COL25A1: variants seen among roughly 807,000 people sequenced by gnomAD.
The protein encoded by COL25A1 is collagen alpha-1(XXV) chain.
COL25A1 carries 103 observed loss-of-function variants against 128.4 expected under a neutral mutation model. The ratio of observed to expected loss-of-function variants is 0.80; its 90% confidence interval spans 0.68 to 0.94. The LOEUF (loss-of-function observed/expected upper bound fraction) is 0.94. Among genes scored for constraint, COL25A1 ranks in the 40% least tolerant of loss-of-function variants. The probability of loss-of-function intolerance (pLI) is 0.00; values close to 1 mark genes in which losing one functional copy is unlikely to be tolerated. For synonymous variants in COL25A1, 279 were observed against 277.2 expected (o/e 1.01, Z -0.06); for missense variants, 745 against 840.0 (o/e 0.89, Z 1.40).
chr4:108,838,538 A>G (rs1033462210), intron 31 of COL25A1, among the ~76,000 whole-genome samples: 50 of 151,576 alleles, frequency 3.3e-4, no homozygotes, highest in African/African-American at 8.7e-4. Flanking sequence ...GATTCGGTAG[A>G]AAAAAAAACC....
At chr4:109,054,491 A>C (rs967524422) in intron 3 of COL25A1, among the ~76,000 whole-genome samples, 1 of 152,194 alleles carries the variant, frequency 6.6e-6, no homozygotes, top group Non-Finnish European at 1.5e-5. Context: ...TTTCCGTGCT[A>C]TATTACTGTC....
chr4:109,126,399 A>G (rs1197837268), intron 3 of COL25A1, among the ~76,000 whole-genome samples: 1 of 152,180 alleles, frequency 6.6e-6, no homozygotes, highest in Non-Finnish European at 1.5e-5. Flanking sequence ...CAAAGCTTCC[A>G]AACCTGGTCT....
At chr4:109,041,382 T>A (rs371606087) in intron 5 of COL25A1, among the ~76,000 whole-genome samples, 1 of 147,746 alleles carries the variant, frequency 6.8e-6, no homozygotes, top group Non-Finnish European at 1.5e-5. Flanking sequence ...TAAAAAAAAA[T>A]CCCCTTCCTT....
chr4:109,209,295 T>G (rs1777301956), intron 3 of COL25A1, among the ~76,000 whole-genome samples: 1 of 149,696 alleles, frequency 6.7e-6, no homozygotes, highest in South Asian at 2.1e-4. Flanking sequence ...AGTAAAGATT[T>G]CATTTTTATT....
intron 24 of COL25A1, among the ~76,000 whole-genome samples, chr4:108,853,561 G>A (rs1037640096): frequency 6.6e-6 from 1 of 152,036 alleles, no homozygotes; most frequent in African/African-American, 2.4e-5. Context: ...TACATGTGCA[G>A]AATGTGCACA....
intron 3 of COL25A1, among the ~76,000 whole-genome samples, chr4:109,160,540 G>T (rs1042214493): frequency 6.6e-6 from 1 of 152,106 alleles, no homozygotes; most frequent in Non-Finnish European, 1.5e-5. Context: ...ACCTAAGTTC[G>T]CCCTGCTTCA....
At chr4:109,007,872 C>A (rs1211729541) in intron 6 of COL25A1, among the ~76,000 whole-genome samples, 1 of 152,152 alleles carries the variant, frequency 6.6e-6, no homozygotes, top group East Asian at 1.9e-4. Context: ...CCTGTCCATT[C>A]TTGGTTTCCA....
chr4:108,882,259 CTTT>C (rs10630143), intron 19 of COL25A1, among the ~76,000 whole-genome samples: 1 of 143,450 alleles, frequency 7.0e-6, no homozygotes. Context: ...ATCAAAATTG[CTTT>C]TTTTTTTTTT....
intron 3 of COL25A1, among the ~76,000 whole-genome samples, chr4:109,290,476 G>T (rs1724356995): frequency 6.6e-6 from 1 of 152,076 alleles, no homozygotes; most frequent in Non-Finnish European, 1.5e-5. Context: ...AATGCTAGAG[G>T]TTTGGGGTTT....
At chr4:109,259,283 T>A (rs1781280844) in intron 3 of COL25A1, among the ~76,000 whole-genome samples, 2 of 152,230 alleles carry the variant, frequency 1.3e-5, no homozygotes. Context: ...ATGAAGGTTT[T>A]TAGATACTAA....
intron 5 of COL25A1, among the ~76,000 whole-genome samples, chr4:109,021,493 G>C (rs1406172735): frequency 2.6e-5 from 4 of 152,154 alleles, no homozygotes; most frequent in African/African-American, 9.7e-5. Flanking sequence ...GTCACCTCAG[G>C]ATCCTGTGAT....
chr4:109,209,907 C>T (rs1241033786), intron 3 of COL25A1, among the ~76,000 whole-genome samples: 1 of 151,890 alleles, frequency 6.6e-6, no homozygotes, highest in Admixed American at 6.6e-5. Context: ...AAAAATTAGC[C>T]AGGCGTAATG....
chr4:108,832,428 T>C lies in COL25A1; in HGVS notation c.1662A>G (p.Thr554=). 6.2e-7 allele frequency: 1 copy of C among 1,601,884 alleles called. No homozygotes were observed. The highest frequency in any genetic ancestry group is 1.7e-5 in the Admixed American group (1 of 58,262). The change falls in exon 32 of 38, where the codon ACA becomes ACG. Residue 554 remains threonine (T), a synonymous_variant. Transcript: ENST00000399132. ...GPHGLPGPKG[T]DGPMGPHGPA... is the part of the protein sequence containing the mutation. ...GGCCATGGGGTCCCATAGGACCATC[T>C]GTACCCTAAAAAAAAGATAATATGA...
chr4:109,158,502 T>C (rs1377854380), intron 3 of COL25A1, among the ~76,000 whole-genome samples: 1 of 152,192 alleles, frequency 6.6e-6, no homozygotes, highest in Non-Finnish European at 1.5e-5. Context: ...GCAAATAAGA[T>C]GTTTATTCAC....
chr4:109,198,299 C>CACACACAG (rs1776284351), intron 3 of COL25A1, among the ~76,000 whole-genome samples: 1 of 141,274 alleles, frequency 7.1e-6, no homozygotes, highest in Non-Finnish European at 1.5e-5. Flanking sequence ...TTCATTCACA[C>CACACACAG]ACACACACAC....
intron 8 of COL25A1, among the ~76,000 whole-genome samples, chr4:108,943,341 A>G (rs1188550704): frequency 6.6e-6 from 1 of 152,190 alleles, no homozygotes; most frequent in Non-Finnish European, 1.5e-5. Flanking sequence ...TTTTTGGACA[A>G]CAACAGGGAA....
intron 3 of COL25A1, among the ~76,000 whole-genome samples, chr4:109,223,397 T>C (rs1350218833): frequency 2.0e-5 from 3 of 151,862 alleles, no homozygotes; most frequent in African/African-American, 7.3e-5. Context: ...TATTCCACAT[T>C]TCCCCCCCCC....
intron 3 of COL25A1, among the ~76,000 whole-genome samples, chr4:109,218,614 G>T: frequency 6.6e-6 from 1 of 151,228 alleles, no homozygotes; most frequent in African/African-American, 2.4e-5. Flanking sequence ...GAATATGTTG[G>T]GTAAATATTC....
At chr4:109,024,570 A>G (rs1249538466) in intron 5 of COL25A1, among the ~76,000 whole-genome samples, 1 of 152,076 alleles carries the variant, frequency 6.6e-6, no homozygotes, top group Non-Finnish European at 1.5e-5. Context: ...CCTACGGATG[A>G]TAGGATTATA....
Sources: allele counts gnomAD v4.1 joint callset (sites outside exome capture counted in the v4.1 genomes callset), GRCh38; gene constraint gnomAD v4.1.1; transcripts MANE v1.5; gene names NCBI Gene and HGNC (gene_info 2026-07-23, HGNC 2026-07-21).